The following VPS13B variants were observed in gnomAD, a reference collection of about 807,000 sequenced individuals.
VPS13B encodes the protein intermembrane lipid transfer protein VPS13B.
A neutral mutation model predicts 426.4 loss-of-function variants in VPS13B; 285 were observed. That is an observed-to-expected ratio of 0.67 (90% CI 0.61 to 0.74). VPS13B has a LOEUF of 0.74. Ranked by LOEUF, VPS13B falls within the 30% of genes least tolerant of loss-of-function variation. The pLI is 0.00. For missense variants in VPS13B, 4,537 were observed against 4,782.6 expected, an observed-to-expected ratio of 0.95 and a Z score of 1.51; for synonymous variants, 1,676 against 1,676.4, an observed-to-expected ratio of 1.00 and a Z score of 0.01.
chr8:99,580,745 G>A (rs746211016), intron 33 of VPS13B, among the ~76,000 whole-genome samples: 19 of 151,824 alleles, frequency 1.3e-4, no homozygotes, highest in Admixed American at 8.5e-4. Context: ...CCAGCTACTC[G>A]GGAGGCTGAG....
At chr8:99,476,202 A>G (rs1819679287) in intron 24 of VPS13B, among the ~76,000 whole-genome samples, 1 of 152,236 alleles carries the variant, frequency 6.6e-6, no homozygotes, top group South Asian at 2.1e-4. Context: ...ATGTGAAACC[A>G]CAAAATAACA....
intron 16 of VPS13B, among the ~76,000 whole-genome samples, chr8:99,191,376 C>CTTTTT (rs35215814): frequency 1.7e-3 from 122 of 70,940 alleles, no homozygotes; most frequent in Non-Finnish European, 2.4e-3. Flanking sequence ...CTCTCTCTCT[C>CTTTTT]TTTTTTTTTT....
At chr8:99,097,610 A>G (rs1341887363) in intron 4 of VPS13B, among the ~76,000 whole-genome samples, 1 of 152,172 alleles carries the variant, frequency 6.6e-6, no homozygotes, top group African/African-American at 2.4e-5. Context: ...CACACATGAA[A>G]CAGAGGCAAG....
chr8:99,551,580 A>G (rs1280462509), intron 30 of VPS13B, among the ~76,000 whole-genome samples: 2 of 151,954 alleles, frequency 1.3e-5, no homozygotes, highest in Non-Finnish European at 1.5e-5. Context: ...ATTTTTATTT[A>G]TTTGGAAGTT....
intron 33 of VPS13B, among the ~76,000 whole-genome samples, chr8:99,632,462 A>G (rs1588569664): frequency 6.6e-6 from 1 of 152,114 alleles, no homozygotes; most frequent in African/African-American, 2.4e-5. Context: ...GTGACATATC[A>G]GCATATTAAA....
At chr8:99,380,404 A>G (rs1159113019) in intron 19 of VPS13B, among the ~76,000 whole-genome samples, 1 of 152,106 alleles carries the variant, frequency 6.6e-6, no homozygotes, top group Non-Finnish European at 1.5e-5. Context: ...TATGACTCCC[A>G]TTTTGCAATC....
intron 35 of VPS13B, among the ~76,000 whole-genome samples, chr8:99,691,449 A>G (rs966373675): frequency 4.2e-4 from 64 of 152,274 alleles, no homozygotes; most frequent in African/African-American, 1.4e-3. Context: ...GTTTAAAAAC[A>G]TGGGGAGAAA....
intron 24 of VPS13B, among the ~76,000 whole-genome samples, chr8:99,481,271 T>G (rs1356517606): frequency 1.3e-5 from 2 of 152,230 alleles, no homozygotes; most frequent in Admixed American, 6.5e-5. Context: ...AACGCCTTTG[T>G]TTTTTAATTT....
At chr8:99,601,131 T>C (rs1283797671) in intron 33 of VPS13B, among the ~76,000 whole-genome samples, 1 of 152,116 alleles carries the variant, frequency 6.6e-6, no homozygotes, top group Admixed American at 6.5e-5. Context: ...GTATTTCTCC[T>C]AATGCTATAC....
intron 19 of VPS13B, among the ~76,000 whole-genome samples, chr8:99,370,465 A>G (rs562793836): frequency 4.6e-5 from 7 of 152,292 alleles, no homozygotes; most frequent in African/African-American, 9.6e-5. Flanking sequence ...ATCAGCTTGT[A>G]TACAGCTTTG....
chr8:99,493,795 A>G (rs1354369600), intron 25 of VPS13B, among the ~76,000 whole-genome samples: 7 of 149,800 alleles, frequency 4.7e-5, no homozygotes, highest in African/African-American at 7.4e-5. Flanking sequence ...AAAAAAAAAA[A>G]AAAAAAGAAA....
chr8:99,789,251 C>A (rs983801501), intron 43 of VPS13B, among the ~76,000 whole-genome samples: 1 of 151,964 alleles, frequency 6.6e-6, no homozygotes, highest in Non-Finnish European at 1.5e-5. Flanking sequence ...TTTACAAATC[C>A]GTTTATATAA....
intron 4 of VPS13B, among the ~76,000 whole-genome samples, chr8:99,101,109 C>T (rs776707650): frequency 1.3e-5 from 2 of 151,592 alleles, no homozygotes; most frequent in South Asian, 2.1e-4. Context: ...ATTAGTCATG[C>T]TCACTTGACT....
At chr8:99,486,376 C>T (rs550635045) in intron 25 of VPS13B, among the ~76,000 whole-genome samples, 2 of 152,132 alleles carry the variant, frequency 1.3e-5, no homozygotes, top group East Asian at 1.9e-4. Context: ...CAGGCGCCTG[C>T]CACCACTCCT....
At chr8:99,519,885 G>GCACATGT (rs1199184225) in intron 29 of VPS13B, among the ~76,000 whole-genome samples, 3 of 152,002 alleles carry the variant, frequency 2.0e-5, no homozygotes, top group Non-Finnish European at 4.4e-5. Context: ...CATCAACATG[G>GCACATGT]CACATGTATA....
intron 3 of VPS13B, among the ~76,000 whole-genome samples, chr8:99,058,007 C>T (rs182660675): frequency 9.1e-4 from 139 of 152,282 alleles, no homozygotes; most frequent in African/African-American, 3.3e-3. Flanking sequence ...ATGTGCAACT[C>T]ATAAGAAAGA....
intron 20 of VPS13B, among the ~76,000 whole-genome samples, chr8:99,390,809 T>A (rs1051640374): frequency 9.9e-5 from 15 of 152,198 alleles, no homozygotes; most frequent in African/African-American, 3.1e-4. Flanking sequence ...AACTTAAAAC[T>A]TTTTTTGCCA....
At chr8:99,359,698 G>A (rs1047699281) in intron 19 of VPS13B, among the ~76,000 whole-genome samples, 31 of 152,156 alleles carry the variant, frequency 2.0e-4, no homozygotes, top group African/African-American at 6.0e-4. Context: ...AATTCAATAC[G>A]TGGATTAACC....
At chr8:99,599,356 T>C (rs1306029526) in intron 33 of VPS13B, among the ~76,000 whole-genome samples, 1 of 152,068 alleles carries the variant, frequency 6.6e-6, no homozygotes, top group Non-Finnish European at 1.5e-5. Context: ...ATAATTGTTT[T>C]TTCCTCACCT....
Sources: allele counts gnomAD v4.1 joint callset (sites outside exome capture counted in the v4.1 genomes callset), GRCh38; gene constraint gnomAD v4.1.1; transcripts MANE v1.5; gene names NCBI Gene and HGNC (gene_info 2026-07-23, HGNC 2026-07-21).